Variants in CEP41 observed in about 807,000 individuals in gnomAD.
The protein encoded by CEP41 is centrosomal protein 41.
Under a neutral mutation model 44.3 loss-of-function variants are expected in CEP41, and 32 were observed. The observed-to-expected ratio is 0.72, with a 90% CI of 0.54 to 0.97. CEP41 has a LOEUF of 0.97. Among genes scored for constraint, CEP41 ranks in the 50% least tolerant of loss-of-function variants. The probability of loss-of-function intolerance (pLI) is 0.00; values close to 1 mark genes in which losing one functional copy is unlikely to be tolerated. For missense variants in CEP41, 432 were observed against 455.2 expected (o/e 0.95, Z 0.46); for synonymous variants, 151 against 168.5 (o/e 0.90, Z 0.80).
intron 2 of CEP41, chr7:130,421,974 A>G (rs1554422303): frequency 6.5e-7 from 1 of 1,536,014 alleles, no homozygotes; most frequent in East Asian, 2.4e-5. Flanking sequence ...ACAGTCTGGC[A>G]GTGCTGGGGA....
In CEP41 at chr7:130,400,141, C is replaced by T; in HGVS notation, c.871G>A (p.Gly291Arg). The T allele has an allele frequency of 6.2e-7, 1 of 1,613,886 alleles. No homozygotes were observed. Among genetic ancestry groups the T allele is most frequent in the Non-Finnish European group, 8.5e-7 (1 of 1,179,922 alleles). Residue 291 changes from glycine to arginine, a missense_variant, in exon 10 of 11, where the codon GGG (glycine) becomes AGG (arginine). Gly to Arg is a moderately radical substitution (Grantham distance 125). Transcript: ENST00000223208. The stretch of plus-strand genomic sequence containing the variant: ...TTATTCTCAGCTGGTAGGGGTGGCC[C>T]TTTGGGGCTGGATCGTTTCCGGGCA... Reference protein sequence around the residue: ...GSARKRSSPKGPPLPAENKWR... With the variant: ...GSARKRSSPKRPPLPAENKWR...
intron 5 of CEP41, chr7:130,410,830 A>G (rs1797160152): frequency 4.4e-6 from 2 of 457,032 alleles, no homozygotes; most frequent in Non-Finnish European, 8.0e-6. Flanking sequence ...ATAGTACTTA[A>G]TGTGTAGGTA....
intron 5 of CEP41, among the ~76,000 whole-genome samples, chr7:130,408,096 T>C (rs1453690818): frequency 2.0e-5 from 3 of 152,222 alleles, no homozygotes; most frequent in Non-Finnish European, 4.4e-5. Context: ...TCCTGCCTCC[T>C]TCCCCAAGGG....
chr7:130,394,884 G>T lies in CEP41; in HGVS notation c.*4007C>A, dbSNP rs782719854. ...ATCCTTTAAAAGATGCAGCCCATCC[G>T]TCCACAGCATTTGAGAAGTGGCCTC... On this transcript the variant is annotated 3_prime_UTR_variant, in exon 11 of 11. Coordinates refer to ENST00000223208, the MANE Select transcript of CEP41 (RefSeq NM_018718.3). The T allele has an allele frequency of 2.2e-6, 1 of 453,972 alleles. No homozygotes were observed. The highest frequency in any genetic ancestry group is 2.0e-5 in the African/African-American group (1 of 49,998). The allele number at this position is 453,972 out of a possible 1,614,324, so 28.1% of individuals were successfully genotyped here.
intron 2 of CEP41, chr7:130,421,868 C>A: frequency 6.7e-7 from 1 of 1,495,784 alleles, no homozygotes; most frequent in South Asian, 1.3e-5. Context: ...AAAACAGAAA[C>A]CCAGAGAGGG....
rs542143873 is a variant in CEP41 at position 130,412,420 on chromosome 7, G to T, written c.146-180C>A. Among the ~76,000 whole-genome samples the T allele has an allele frequency of 2.8e-3, 421 of 152,246 alleles. 1 individual carries two copies. The highest frequency in any genetic ancestry group is 9.6e-3 in the African/African-American group (399 of 41,540). ...GGTAGTAGTATCATCTGTTCAGTTT[G>T]TTTCCCTTTGCTTTGTCATTAGGAA... On this transcript the variant is annotated intron_variant, in intron 3 of 10. Coordinates refer to ENST00000223208, the MANE Select transcript of CEP41 (RefSeq NM_018718.3).
At chr7:130,428,931 A>G (rs1381020497) in intron 1 of CEP41, among the ~76,000 whole-genome samples, 1 of 151,964 alleles carries the variant, frequency 6.6e-6, no homozygotes, top group African/African-American at 2.4e-5. Flanking sequence ...ATAAATAAAT[A>G]AATAAATAAA....
rs1554415107 is a variant in CEP41 at position 130,397,328 on chromosome 7, T to G, written c.*1563A>C. On this transcript the variant is annotated 3_prime_UTR_variant, in exon 11 of 11. Transcript: ENST00000223208. ...CATCTGAACAATGTCCCTGGTTTGT[T>G]TGATTTCTAAAGCATCGGAAAATGT... The G allele has an allele frequency of 2.2e-6, 1 of 454,500 alleles. No individual in the cohort carries two copies. The allele number at this position is 454,500 out of a possible 1,614,324, so 28.2% of individuals were successfully genotyped here.
At chr7:130,428,184 G>A (rs894247283) in intron 1 of CEP41, among the ~76,000 whole-genome samples, 166 bp from the exon 2 acceptor site, 2 of 152,092 alleles carry the variant, frequency 1.3e-5, no homozygotes, top group Non-Finnish European at 2.9e-5. Flanking sequence ...AACACTTTAG[G>A]AGGCCGAGGT....
intron 2 of CEP41, chr7:130,421,452 T>C (rs1357826973): frequency 2.0e-6 from 2 of 985,220 alleles, no homozygotes; most frequent in Non-Finnish European, 2.4e-6. Context: ...TGTATAGTGC[T>C]TTCTGGTTTA....
intron 1 of CEP41, 104 bp downstream of exon 1, chr7:130,440,830 C>A: frequency 7.6e-7 from 1 of 1,321,810 alleles, no homozygotes. Context: ...GGCCCCTTCC[C>A]GCCTTCCGGG....
chr7:130,426,416 A>G (rs893249106), intron 2 of CEP41, among the ~76,000 whole-genome samples: 10 of 151,284 alleles, frequency 6.6e-5, no homozygotes, highest in Admixed American at 2.0e-4. Flanking sequence ...TCCTTCACAA[A>G]TCCCAGTTTA....
intron 1 of CEP41, among the ~76,000 whole-genome samples, chr7:130,432,514 G>A (rs1049682733): frequency 6.7e-6 from 1 of 148,802 alleles, no homozygotes; most frequent in Admixed American, 6.9e-5. Flanking sequence ...TAATTTGGGA[G>A]GCCAAAGTGG....
At chr7:130,428,428 CAAAAAAAAAA>C (rs67847969) in intron 1 of CEP41, among the ~76,000 whole-genome samples, 6 of 38,088 alleles carry the variant, frequency 1.6e-4, no homozygotes, top group South Asian at 1.7e-3. Context: ...GACTCTGACT[CAAAAAAAAAA>C]AAAAAAAAAA....
intron 1 of CEP41, among the ~76,000 whole-genome samples, chr7:130,439,545 C>T (rs1228742174): frequency 6.6e-6 from 1 of 152,188 alleles, no homozygotes; most frequent in Non-Finnish European, 1.5e-5. Flanking sequence ...CCCCACCCTC[C>T]AGGCTCTGGT....
intron 2 of CEP41, chr7:130,419,320 G>T: frequency 1.0e-6 from 1 of 985,410 alleles, no homozygotes; most frequent in South Asian, 4.7e-5. Context: ...GGACAAATGA[G>T]ATAGCAGGAT....
chr7:130,419,580 T>A (rs893433486), intron 2 of CEP41: 89 of 983,034 alleles, frequency 9.1e-5, no homozygotes, highest in African/African-American at 1.7e-4. Context: ...CCAATTTTTT[T>A]TAAAAAAAAT....
At chr7:130,422,869 C>A (rs1432659083) in intron 2 of CEP41, among the ~76,000 whole-genome samples, 2 of 152,198 alleles carry the variant, frequency 1.3e-5, no homozygotes, top group Non-Finnish European at 2.9e-5. Flanking sequence ...CCTCGATAAC[C>A]CACAGAATGG....
At position 130,395,119 on chromosome 7, in the gene CEP41, G is replaced by C. The variant is rs1796621998; in HGVS notation, c.*3772C>G. On this transcript the variant is annotated 3_prime_UTR_variant, in exon 11 of 11. Coordinates refer to ENST00000223208, the MANE Select transcript of CEP41 (RefSeq NM_018718.3). ...AAATTTCCACCATTACATTTTTTATGTTGTAACTGACCTGTGTATCCATTT... is the reference window on the plus strand; with the variant it reads ...AAATTTCCACCATTACATTTTTTATCTTGTAACTGACCTGTGTATCCATTT... 2 of 453,916 alleles carry C rather than the reference G, an allele frequency of 4.4e-6. No individual in the cohort carries two copies. The highest frequency in any genetic ancestry group is 4.0e-5 in the African/African-American group (2 of 49,976). The allele number at this position is 453,916 out of a possible 1,614,324, so 28.1% of individuals were successfully genotyped here. A position where few individuals can be genotyped will look rare whatever the true frequency, so the allele number is the denominator to read the frequency against.
Sources: gnomAD v4.1 joint callset for allele counts (sites outside exome capture counted in the v4.1 genomes callset) on GRCh38, gnomAD v4.1.1 for gene constraint, MANE v1.5 for transcripts, NCBI Gene and HGNC (gene_info 2026-07-23, HGNC 2026-07-21) for gene names.